GPR176: variants seen among roughly 807,000 people sequenced by gnomAD.
The protein encoded by GPR176 is G protein-coupled receptor 176.
In GPR176, 26 loss-of-function variants were observed where a neutral mutation model predicts 35.4. The observed-to-expected ratio is 0.74, with a 90% CI of 0.54 to 1.02. The LOEUF is 1.02. Among genes scored for constraint, GPR176 ranks in the 50% least tolerant of loss-of-function variants. The pLI is 0.00. For missense variants in GPR176, 597 were observed against 665.3 expected, an observed-to-expected ratio of 0.90 and a Z score of 1.13; for synonymous variants, 278 against 271.3, an observed-to-expected ratio of 1.02 and a Z score of -0.24.
chr15:39,885,927 T>A (rs1441476834), intron 1 of GPR176, among the ~76,000 whole-genome samples: 1 of 152,178 alleles, frequency 6.6e-6, no homozygotes, highest in Non-Finnish European at 1.5e-5. Flanking sequence ...CACTAAACAA[T>A]GCATCTTTAG....
At chr15:39,911,630 C>T (rs2033579577) in intron 1 of GPR176, among the ~76,000 whole-genome samples, 1 of 152,186 alleles carries the variant, frequency 6.6e-6, no homozygotes, top group African/African-American at 2.4e-5. Flanking sequence ...GAAATGTCTC[C>T]ATATGTGCTG....
intron 1 of GPR176, among the ~76,000 whole-genome samples, chr15:39,827,980 G>T (rs1180883195): frequency 3.3e-5 from 5 of 152,150 alleles, no homozygotes; most frequent in African/African-American, 1.2e-4. Flanking sequence ...TACATCCTAG[G>T]CTGTCAACAT....
intron 1 of GPR176, among the ~76,000 whole-genome samples, chr15:39,917,740 C>T (rs1341143958): frequency 6.6e-6 from 1 of 151,496 alleles, no homozygotes; most frequent in African/African-American, 2.4e-5. Flanking sequence ...GTCCATGTAA[C>T]GTGGAAGGGG....
At chr15:39,814,672 T>C (rs1334604461) in intron 1 of GPR176, among the ~76,000 whole-genome samples, 1 of 152,206 alleles carries the variant, frequency 6.6e-6, no homozygotes, top group East Asian at 1.9e-4. Context: ...TGGTAGGTTA[T>C]ATTGCCTGGC....
intron 1 of GPR176, among the ~76,000 whole-genome samples, chr15:39,815,873 G>A (rs943287982): frequency 3.3e-5 from 5 of 152,128 alleles, no homozygotes; most frequent in Admixed American, 6.5e-5. Context: ...CATTATTCCC[G>A]ATCACCAAGA....
intron 2 of GPR176, among the ~76,000 whole-genome samples, chr15:39,805,053 T>A (rs1899106280): frequency 6.6e-6 from 1 of 152,220 alleles, no homozygotes; most frequent in African/African-American, 2.4e-5. Context: ...TTAAAATTCA[T>A]TGACTTGTAT....
At chr15:39,912,427 A>G (rs2033602353) in intron 1 of GPR176, among the ~76,000 whole-genome samples, 1 of 151,842 alleles carries the variant, frequency 6.6e-6, no homozygotes, top group African/African-American at 2.4e-5. Flanking sequence ...GACCAGCCTG[A>G]GGACCATGGT....
In GPR176 at chr15:39,880,033, C is replaced by T. The variant is rs112421037; in HGVS notation, c.172+39822G>A. Among the ~76,000 whole-genome samples, 221 of 152,322 alleles carry T rather than the reference C, an allele frequency of 1.5e-3. 2 individuals are homozygous for T. Among genetic ancestry groups the T allele is most frequent in the Non-Finnish European group, 1.7e-3 (119 of 68,030 alleles). ...TATACTTATCAACAAATGAACTTAA[C>T]CTGCTCTTTACTCATGCACACAGTG... On this transcript the variant is annotated intron_variant, in intron 1 of 2. Coordinates refer to ENST00000561100, the MANE Select transcript of GPR176 (RefSeq NM_007223.3).
intron 1 of GPR176, among the ~76,000 whole-genome samples, chr15:39,818,209 T>C (rs566775987): frequency 6.6e-6 from 1 of 152,218 alleles, no homozygotes; most frequent in Non-Finnish European, 1.5e-5. Flanking sequence ...ATGATTAAAC[T>C]AATACCTGCC....
chr15:39,889,848 AAC>A (rs1350813184), intron 1 of GPR176, among the ~76,000 whole-genome samples: 1 of 152,124 alleles, frequency 6.6e-6, no homozygotes, highest in Non-Finnish European at 1.5e-5. Context: ...CACAAAAGAA[AAC>A]ACAGAGAAAA....
intron 1 of GPR176, among the ~76,000 whole-genome samples, chr15:39,862,687 T>C (rs1395678665): frequency 1.3e-5 from 2 of 152,212 alleles, no homozygotes; most frequent in African/African-American, 2.4e-5. Context: ...GTGTTTGTGG[T>C]GATGCTGGTG....
Position 39,875,285 on chromosome 15 carries a change from C to T in GPR176, c.172+44570G>A, listed in dbSNP as rs558575966. Among the ~76,000 whole-genome samples the T allele has an allele frequency of 4.6e-5, 7 of 152,276 alleles. No homozygotes were observed. The South Asian group carries it at 1.0e-3, about 23-fold the overall frequency. ...TTTTTGAGCCTGATAAAAGCAAAAA[C>T]CAACCGTTTCTAAAAATGTCTTAGA... is the stretch of plus-strand genomic sequence containing the variant. On this transcript the variant is annotated intron_variant, in intron 1 of 2. Coordinates refer to ENST00000561100, the MANE Select transcript of GPR176 (RefSeq NM_007223.3).
At chr15:39,865,662 T>C (rs984341167) in intron 1 of GPR176, among the ~76,000 whole-genome samples, 2 of 152,126 alleles carry the variant, frequency 1.3e-5, no homozygotes, top group Non-Finnish European at 2.9e-5. Flanking sequence ...ATGTGATCTA[T>C]GCGTGTAACA....
At chr15:39,827,258 T>A (rs1314178144) in intron 1 of GPR176, among the ~76,000 whole-genome samples, 1 of 152,182 alleles carries the variant, frequency 6.6e-6, no homozygotes, top group Non-Finnish European at 1.5e-5. Context: ...AATAGCAGCA[T>A]TAGCATGATC....
At chr15:39,823,367 A>G (rs769789564) in intron 1 of GPR176, among the ~76,000 whole-genome samples, 10 of 152,012 alleles carry the variant, frequency 6.6e-5, no homozygotes, top group Non-Finnish European at 1.5e-4. Flanking sequence ...AATATTATCC[A>G]TCTCAGAAAA....
rs564746634 is a variant in GPR176, at chr15:39,889,816, A to G, written c.172+30039T>C. ...TTGGCACATGGCAGGTGCTTAGTAAATATTTGTAGAATGAATGTATGCACA... is the reference window on the plus strand; with the variant it reads ...TTGGCACATGGCAGGTGCTTAGTAAGTATTTGTAGAATGAATGTATGCACA... On this transcript the variant is annotated intron_variant, in intron 1 of 2. Transcript: ENST00000561100. Among the ~76,000 whole-genome samples, 3 of 152,262 alleles carry G rather than the reference A, an allele frequency of 2.0e-5. No individual in the cohort carries two copies. The South Asian group carries it at 6.2e-4, about 32-fold the overall frequency.
At chr15:39,882,505 T>A (rs558578023) in intron 1 of GPR176, among the ~76,000 whole-genome samples, 1 of 152,306 alleles carries the variant, frequency 6.6e-6, no homozygotes, top group Non-Finnish European at 1.5e-5. Context: ...TTTCATGAGT[T>A]AACATTTCTT....
intron 1 of GPR176, among the ~76,000 whole-genome samples, chr15:39,859,270 G>A (rs1566953777): frequency 2.0e-5 from 3 of 151,872 alleles, no homozygotes; most frequent in South Asian, 2.1e-4. Context: ...ATGTATATAT[G>A]TTATATGTAT....
At chr15:39,853,228 TTCAAC>T (rs1397619433) in intron 1 of GPR176, among the ~76,000 whole-genome samples, 1 of 152,182 alleles carries the variant, frequency 6.6e-6, no homozygotes. Context: ...TGGAAAGTTA[TTCAAC>T]CTTAAGAAAA....
Sources: gnomAD v4.1 joint callset for allele counts (sites outside exome capture counted in the v4.1 genomes callset) on GRCh38, gnomAD v4.1.1 for gene constraint, MANE v1.5 for transcripts, NCBI Gene and HGNC (gene_info 2026-07-23, HGNC 2026-07-21) for gene names.